BPIFB3: variants seen among roughly 807,000 people sequenced by gnomAD.
The protein encoded by BPIFB3 is BPI fold containing family B member 3.
BPIFB3 carries 49 observed loss-of-function variants against 53.1 expected under a neutral mutation model. The ratio of observed to expected loss-of-function variants is 0.92; its 90% CI spans 0.73 to 1.17. BPIFB3 has a LOEUF of 1.17. Among genes scored for constraint, BPIFB3 ranks in the 50% most tolerant of loss-of-function variants. The probability of loss-of-function intolerance (pLI) is 0.00; values close to 1 mark genes in which losing one functional copy is unlikely to be tolerated. For synonymous variants in BPIFB3, 271 were observed against 269.6 expected, an observed-to-expected ratio of 1.01 and a Z score of -0.05; for missense variants, 628 against 592.5, an observed-to-expected ratio of 1.06 and a Z score of -0.62.
chr20:33,056,934 T>G (rs1247121758), intron 2 of BPIFB3, among the ~76,000 whole-genome samples: 3 of 152,196 alleles, frequency 2.0e-5, no homozygotes, highest in Non-Finnish European at 4.4e-5. Context: ...CTGTTTGACC[T>G]TGGGGAAGTT....
chr20:33,068,857 G>A (rs768267511), exon 10 of BPIFB3: 2 of 1,613,988 alleles, frequency 1.2e-6, no homozygotes, highest in South Asian at 1.1e-5. Flanking sequence ...GCGGGTGAGG[G>A]AAGCTCCCAC....
intron 10 of BPIFB3, 34 bp from the exon 12 acceptor site, chr20:33,069,854 T>G: frequency 1.2e-6 from 2 of 1,612,192 alleles, no homozygotes; most frequent in Middle Eastern, 1.7e-4. Context: ...CTTCTGCCGA[T>G]TGGGGGTGAC....
Position 33,064,001 on chromosome 20 carries a change from G to A in BPIFB3, c.652+326G>A, listed in dbSNP as rs563192426. ...TACCTGGTCAGACTAGATGACCGAG[G>A]CCCAGAGAGCTCAAGTAAGGAACCC... On this transcript the variant is annotated intron_variant, in intron 6 of 14. Transcript: ENST00000375494. Among the ~76,000 whole-genome samples, 7 of 152,324 alleles carry A rather than the reference G, an allele frequency of 4.6e-5. No homozygotes were observed. The South Asian group carries it at 1.5e-3, about 32-fold the overall frequency.
Position 33,073,330 on chromosome 20 carries a change from T to G in BPIFB3, c.1402-246T>G, listed in dbSNP as rs576176512. 2.6e-5 allele frequency among the ~76,000 whole-genome samples: 4 copies of G among 152,330 alleles called. No individual in the cohort carries two copies. In the East Asian group the frequency reaches 7.7e-4, roughly 29 times the overall value. On this transcript the variant is annotated intron_variant, in intron 14 of 14. Transcript: ENST00000375494. Reference sequence around the variant, plus strand: ...AGGACCAAGGCTGAAGTAGGTCAGATTTCTGGCCCAAGTTCACCAGTAAAT... The same window carrying G: ...AGGACCAAGGCTGAAGTAGGTCAGAGTTCTGGCCCAAGTTCACCAGTAAAT...
intron 10 of BPIFB3, among the ~76,000 whole-genome samples, chr20:33,069,297 C>G (rs1426966145): frequency 6.6e-6 from 1 of 152,182 alleles, no homozygotes; most frequent in African/African-American, 2.4e-5. Context: ...CCAGCTTCCT[C>G]TGACCCTCCC....
intron 3 of BPIFB3, 149 bp from the exon 5 acceptor site, chr20:33,059,742 A>G: frequency 8.6e-7 from 1 of 1,162,834 alleles, no homozygotes; most frequent in East Asian, 2.6e-5. Flanking sequence ...GGGTCAGGGA[A>G]GAGGGTGCAG....
At chr20:33,064,889 T>C in intron 8 of BPIFB3, 44 bp downstream of exon 9, 1 of 1,579,756 alleles carries the variant, frequency 6.3e-7, no homozygotes, top group Non-Finnish European at 8.6e-7. Context: ...CTCCTTGCCC[T>C]GCTGTGCCTT....
chr20:33,061,992 G>T (rs572053007), intron 5 of BPIFB3, among the ~76,000 whole-genome samples, 161 bp downstream of exon 6: 1 of 152,196 alleles, frequency 6.6e-6, no homozygotes, highest in African/African-American at 2.4e-5. Flanking sequence ...CCTTCCTGGC[G>T]CGCCTGCTAG....
chr20:33,057,316 G>A (rs1166249685), intron 2 of BPIFB3, among the ~76,000 whole-genome samples: 2 of 152,048 alleles, frequency 1.3e-5, no homozygotes, highest in Non-Finnish European at 2.9e-5. Context: ...AGCCTCCCGA[G>A]TAGCTGGGAT....
intron 1 of BPIFB3, among the ~76,000 whole-genome samples, chr20:33,056,321 G>A (rs1208400380): frequency 6.6e-6 from 1 of 152,208 alleles, no homozygotes; most frequent in Non-Finnish European, 1.5e-5. Context: ...AACACTTACT[G>A]GGTACCTCCC....
At chr20:33,072,633 T>C in intron 13 of BPIFB3, 84 bp from the exon 15 acceptor site, 1 of 1,141,076 alleles carries the variant, frequency 8.8e-7, no homozygotes, top group Non-Finnish European at 1.3e-6. Flanking sequence ...AGTGATGGAA[T>C]AGGGTCAGCA....
rs754433841 is a variant in BPIFB3, at chr20:33,068,770, G to A, written c.979-33G>A. 3.7e-6 allele frequency: 6 copies of A among 1,600,254 alleles called. No individual in the cohort carries two copies. The Admixed American group carries it at 1.0e-4, about 27-fold the overall frequency. On this transcript the variant is annotated intron_variant, in intron 9 of 14. Coordinates refer to ENST00000375494, the Ensembl canonical transcript of BPIFB3. ...GACTGACTGACTGATTGTAGTCCTG[G>A]GGCATCTAAGTTATGCCCCTGCATT...
At chr20:33,066,083 A>G (rs1322059263) in intron 8 of BPIFB3, among the ~76,000 whole-genome samples, 1 of 152,150 alleles carries the variant, frequency 6.6e-6, no homozygotes, top group East Asian at 1.9e-4. Context: ...CTGGTGCTGC[A>G]TGTATGCTTA....
Position 33,064,458 on chromosome 20 carries a change from C to T in BPIFB3, c.654C>T (p.Gly218=), listed in dbSNP as rs934836835. The change falls in exon 7 of 15, where the codon GGC becomes GGT. Residue 218 remains glycine, a splice_region_variant and synonymous_variant. Coordinates refer to ENST00000375494, the Ensembl canonical transcript of BPIFB3. ...TCTCGCCCCCACTTTCCCACGCAGGCCTGGTGTCCCTTGGGGCTCTTGGGT... is the reference window on the plus strand; with the variant it reads ...TCTCGCCCCCACTTTCCCACGCAGGTCTGGTGTCCCTTGGGGCTCTTGGGT... 2.5e-6 allele frequency: 4 copies of T among 1,613,720 alleles called. No individual in the cohort carries two copies. The African/African-American group carries it at 4.0e-5, about 16-fold the overall frequency.
chr20:33,067,737 G>A (rs1980726039), intron 9 of BPIFB3, among the ~76,000 whole-genome samples: 1 of 152,198 alleles, frequency 6.6e-6, no homozygotes, highest in African/African-American at 2.4e-5. Context: ...AGCAAGCTGG[G>A]CCTGCCCCTC....
chr20:33,072,046 T>C (rs1980921733), intron 12 of BPIFB3, 58 bp from the exon 14 acceptor site: 20 of 1,574,430 alleles, frequency 1.3e-5, no homozygotes, highest in Non-Finnish European at 1.6e-5. Flanking sequence ...GGGATGCTGC[T>C]GCCTGTAAAG....
At chr20:33,056,616 C>G in exon 2 of BPIFB3, 5 of 1,613,906 alleles carry the variant, frequency 3.1e-6, no homozygotes, top group Non-Finnish European at 4.2e-6. Flanking sequence ...GAACCGGGGC[C>G]TCTTGGGCTC....
intron 4 of BPIFB3, among the ~76,000 whole-genome samples, chr20:33,061,406 G>T (rs560397208): frequency 2.6e-5 from 4 of 152,130 alleles, no homozygotes; most frequent in East Asian, 3.9e-4. Context: ...CCACTCTGGG[G>T]GCTCAATAAC....
At chr20:33,069,107 C>T (rs769539297) in intron 10 of BPIFB3, 134 bp downstream of exon 11, 52 of 968,684 alleles carry the variant, frequency 5.4e-5, no homozygotes, top group African/African-American at 1.1e-4. Context: ...GGAAGCCCCC[C>T]GCCCCACAAC....
Sources: gnomAD v4.1 joint callset for allele counts (sites outside exome capture counted in the v4.1 genomes callset) on GRCh38, gnomAD v4.1.1 for gene constraint, MANE v1.5 for transcripts, NCBI Gene and HGNC (gene_info 2026-07-23, HGNC 2026-07-21) for gene names.